The following LCAT variants were observed in gnomAD, a reference collection of about 807,000 sequenced individuals.
LCAT encodes the protein phosphatidylcholine-sterol acyltransferase.
Under a neutral mutation model 41.0 loss-of-function variants are expected in LCAT, and 15 were observed. The ratio of observed to expected loss-of-function variants is 0.37; its 90% CI spans 0.24 to 0.56. The LOEUF is 0.56. Ranked by LOEUF, LCAT falls within the 20% of genes least tolerant of loss-of-function variation. The pLI is 0.81. For missense variants in LCAT, 449 were observed against 595.1 expected, an observed-to-expected ratio of 0.75 and a Z score of 2.55; for synonymous variants, 248 against 245.4, an observed-to-expected ratio of 1.01 and a Z score of -0.10.
chr16:67,943,984 C>T lies in LCAT; in HGVS notation c.118G>A (p.Ala40Thr). 2 of 1,548,384 alleles carry T rather than the reference C, an allele frequency of 1.3e-6. No individual in the cohort carries two copies. The highest frequency in any genetic ancestry group is 1.2e-5 in the South Asian group (1 of 83,836). ...GGCCGTGTGTGGTTACTGAGCTCAG[C>T]CTTGGGCGTGGTGTGCGGGGGGAAG... ...VLFPPHTTPKAELSNHTRPVI... is the reference protein window; with the variant it reads ...VLFPPHTTPKTELSNHTRPVI... Residue 40 changes from alanine (A) to threonine (T), a missense_variant, in exon 1 of 6, where the codon GCT becomes ACT. Coordinates refer to ENST00000264005, the MANE Select transcript of LCAT (RefSeq NM_000229.2). This position sits in a 1 kb window ranked among gnomAD's most constrained non-coding sequence, Gnocchi z 4.6.
chr16:67,939,916 CG>C lies in LCAT; in HGVS notation c.1310del (p.Pro437ArgfsTer12), dbSNP rs774934690. On this transcript the variant is annotated frameshift_variant, in exon 6 of 6. Transcript: ENST00000264005. LOFTEE classifies it high-confidence loss of function. ...CAAAGGAAGGTCTTTATTCAGGAGGCGGGGGCTCTGGGCTGGCAGTCGGGGA... is the reference window on the plus strand; with the variant it reads ...CAAAGGAAGGTCTTTATTCAGGAGGCGGGGCTCTGGGCTGGCAGTCGGGGA... ...PASPTASPEP[P>X]PPE 1.2e-6 allele frequency: 2 copies of C among 1,612,518 alleles called. No individual in the cohort carries two copies. The highest frequency in any genetic ancestry group is 1.1e-5 in the South Asian group (1 of 91,050).
rs2058295344 is a variant in LCAT at position 67,942,262 on chromosome 16, C to A, written c.748+101G>T. ...ATGCCAGCCCAGGAGTGGTAGATAG[C>A]ACCCCTAGAGGCCACTGTGAGCAGG... On this transcript the variant is annotated intron_variant, in intron 5 of 5. Coordinates refer to ENST00000264005, the MANE Select transcript of LCAT (RefSeq NM_000229.2). This position sits in a 1 kb window ranked among gnomAD's most constrained non-coding sequence, Gnocchi z 6.6. The A allele has an allele frequency of 7.3e-7, 1 of 1,362,700 alleles. No homozygotes were observed. Among genetic ancestry groups the A allele is most frequent in the Admixed American group, 1.9e-5 (1 of 51,836 alleles). 84.4% of individuals were successfully genotyped at this position (1,362,700 alleles called of 1,614,324 possible).
In LCAT at chr16:67,943,885, G is replaced by A. The variant is rs1458657416; in HGVS notation, c.154+63C>T. On this transcript the variant is annotated intron_variant, in intron 1 of 5. Transcript: ENST00000264005. The surrounding 1 kb of genome is among the most constrained non-coding windows in gnomAD (Gnocchi z 4.6). The stretch of plus-strand genomic sequence containing the variant: ...AGGGCTTTGGCCAGGTCAGCTGCCA[G>A]GGGCTGGGGCCCAGGCTCCCCAGGG... The A allele has an allele frequency of 9.7e-6, 14 of 1,450,162 alleles. No individual in the cohort carries two copies. Among genetic ancestry groups the A allele is most frequent in the Non-Finnish European group, 1.3e-5 (14 of 1,077,776 alleles). The allele number at this position is 1,450,162 out of a possible 1,614,324, so 89.8% of individuals were successfully genotyped here. A position where few individuals can be genotyped will look rare whatever the true frequency, so the allele number is the denominator to read the frequency against.
At chr16:67,941,898 C>A (rs1260239728) in intron 5 of LCAT, 3 of 1,139,978 alleles carry the variant, frequency 2.6e-6, no homozygotes, top group Non-Finnish European at 3.3e-6. Flanking sequence ...TCCCAGGGTA[C>A]AGGGGGTGGG....
In LCAT at chr16:67,939,892, A is replaced by G. The variant is rs886052219; in HGVS notation, c.*12T>C. 1 of 1,609,456 alleles carries G rather than the reference A, an allele frequency of 6.2e-7. No homozygotes were observed. ...CATAGCCATCAGGGCTTACGGTAGC[A>G]AAGGAAGGTCTTTATTCAGGAGGCG... On this transcript the variant is annotated 3_prime_UTR_variant, in exon 6 of 6. Coordinates refer to ENST00000264005, the MANE Select transcript of LCAT (RefSeq NM_000229.2).
At position 67,942,329 on chromosome 16, in the gene LCAT, C is replaced by G. The variant is rs1411553249; in HGVS notation, c.748+34G>C. 1 of 1,604,744 alleles carries G rather than the reference C, an allele frequency of 6.2e-7. No homozygotes were observed. The highest frequency in any genetic ancestry group is 2.2e-5 in the East Asian group (1 of 44,830). On this transcript the variant is annotated intron_variant, in intron 5 of 5. Coordinates refer to ENST00000264005, the MANE Select transcript of LCAT (RefSeq NM_000229.2). This position sits in a 1 kb window ranked among gnomAD's most constrained non-coding sequence, Gnocchi z 6.6. Reference sequence around the variant, plus strand: ...GGCCCAGGATCAGCTTGGTCTCACCCATCGCTGGACCTAAGTGTTCGAGGC... The same window carrying G: ...GGCCCAGGATCAGCTTGGTCTCACCGATCGCTGGACCTAAGTGTTCGAGGC...
At position 67,944,094 on chromosome 16, in the gene LCAT, G is replaced by T. The variant is rs753021814; in HGVS notation, c.8C>A (p.Pro3Gln). 6.5e-7 allele frequency: 1 copy of T among 1,547,692 alleles called. No homozygotes were observed. The highest frequency in any genetic ancestry group is 2.4e-5 in the East Asian group (1 of 40,880). Residue 3 changes from proline to glutamine, a missense_variant, in exon 1 of 6, where the codon CCG (proline) becomes CAG (glutamine). Physicochemically the swap from Pro to Gln is moderately conservative, Grantham distance 76. Coordinates refer to ENST00000264005, the MANE Select transcript of LCAT (RefSeq NM_000229.2). The surrounding 1 kb of genome is among the most constrained non-coding windows in gnomAD (Gnocchi z 6.6). The part of the protein sequence containing the change: MG[P>Q]PGSPWQWVTL... ...CACCCACTGCCATGGGGAGCCGGGC[G>T]GCCCCATTCCAGCCCTGGTGCCTAC...
Position 67,943,567 on chromosome 16 carries a change from T to A in LCAT, c.155-355A>T. The A allele has an allele frequency of 2.0e-6, 1 of 498,144 alleles. No homozygotes were observed. Among genetic ancestry groups the A allele is most frequent in the East Asian group, 3.7e-5 (1 of 26,698 alleles). 30.9% of individuals were successfully genotyped at this position (498,144 alleles called of 1,614,324 possible). A position where few individuals can be genotyped will look rare whatever the true frequency, so the allele number is the denominator to read the frequency against. On this transcript the variant is annotated intron_variant, in intron 1 of 5. Transcript: ENST00000264005. The surrounding 1 kb of genome is among the most constrained non-coding windows in gnomAD (Gnocchi z 4.6). ...GGGCCTAATAGGGGCCGGGCATGGA[T>A]GGGCCTCTCCTGCTCACCGATCCTG... is the stretch of plus-strand genomic sequence containing the variant.
At chr16:67,941,858 T>A in intron 5 of LCAT, 3 of 1,081,516 alleles carry the variant, frequency 2.8e-6, no homozygotes, top group Non-Finnish European at 3.4e-6. Context: ...GTTTCTCTTG[T>A]CCAGACTGTG....
Position 67,943,784 on chromosome 16 carries a change from A to G in LCAT, c.154+164T>C, listed in dbSNP as rs566469303. 8.6e-5 allele frequency: 57 copies of G among 666,640 alleles called. No individual in the cohort carries two copies. In the South Asian group the frequency reaches 1.2e-3, roughly 14 times the overall value. The allele number at this position is 666,640 out of a possible 1,614,324, so 41.3% of individuals were successfully genotyped here. A position where few individuals can be genotyped will look rare whatever the true frequency, so the allele number is the denominator to read the frequency against. ...ACAGTGTGGTGGGAGAAGGGACGTCATTCCTCTAAGGGACAAGCTTTTGGC... is the reference window on the plus strand; with the variant it reads ...ACAGTGTGGTGGGAGAAGGGACGTCGTTCCTCTAAGGGACAAGCTTTTGGC... On this transcript the variant is annotated intron_variant, in intron 1 of 5. Transcript: ENST00000264005. The surrounding 1 kb of genome is among the most constrained non-coding windows in gnomAD (Gnocchi z 4.6).
intron 5 of LCAT, chr16:67,941,504 T>G (rs2058290210): frequency 2.7e-6 from 1 of 364,606 alleles, no homozygotes; most frequent in Non-Finnish European, 3.8e-6. Flanking sequence ...GCCTATAGTC[T>G]CAGCTAACCA....
Position 67,939,816 on chromosome 16 carries a change from G to A in LCAT, c.*88C>T, listed in dbSNP as rs2058282324. ...GCACACAGCACTGAGCCTGTGGCTG[G>A]TGAGGAGTGAAACCTAGTGTGGGAC... On this transcript the variant is annotated 3_prime_UTR_variant, in exon 6 of 6. Transcript: ENST00000264005. 6.4e-7 allele frequency: 1 copy of A among 1,556,712 alleles called. No individual in the cohort carries two copies. The highest frequency in any genetic ancestry group is 8.7e-7 in the Non-Finnish European group (1 of 1,148,580).
At position 67,942,106 on chromosome 16, in the gene LCAT, C is replaced by T. The variant is rs2058294746; in HGVS notation, c.748+257G>A. The T allele has an allele frequency of 2.2e-6, 3 of 1,390,926 alleles. No individual in the cohort carries two copies. Among genetic ancestry groups the T allele is most frequent in the South Asian group, 1.5e-5 (1 of 68,768 alleles). 86.2% of individuals were successfully genotyped at this position (1,390,926 alleles called of 1,614,324 possible). On this transcript the variant is annotated intron_variant, in intron 5 of 5. Coordinates refer to ENST00000264005, the MANE Select transcript of LCAT (RefSeq NM_000229.2). The surrounding 1 kb of genome is among the most constrained non-coding windows in gnomAD (Gnocchi z 6.6). ...AGGCTCTGGGGCTACAAGAACAAAC[C>T]CTGGGAGCAGATAGCTGGGATTCAC...
Position 67,943,331 on chromosome 16 carries a change from T to C in LCAT, c.155-119A>G. 1 of 900,958 alleles carries C rather than the reference T, an allele frequency of 1.1e-6. No individual in the cohort carries two copies. The highest frequency in any genetic ancestry group is 1.4e-5 in the South Asian group (1 of 71,404). The allele number at this position is 900,958 out of a possible 1,614,324, so 55.8% of individuals were successfully genotyped here. A position where few individuals can be genotyped will look rare whatever the true frequency, so the allele number is the denominator to read the frequency against. The stretch of plus-strand genomic sequence containing the variant: ...ACCTCCCATACCCTCAACCCCCAGG[T>C]ACAAAGCACACTTACCCTCCCCTGC... On this transcript the variant is annotated intron_variant, in intron 1 of 5. Transcript: ENST00000264005. The surrounding 1 kb of genome is among the most constrained non-coding windows in gnomAD (Gnocchi z 4.6).
At position 67,940,484 on chromosome 16, in the gene LCAT, G is replaced by T. The variant is rs1366530575; in HGVS notation, c.749-6C>A. Reference sequence around the variant, plus strand: ...GGGGATGCCCTGGTTGTCACCTGTGGATATGGAGCAAGGTGGGACAGGGAG... The same window carrying T: ...GGGGATGCCCTGGTTGTCACCTGTGTATATGGAGCAAGGTGGGACAGGGAG... On this transcript the variant is annotated splice_region_variant and splice_polypyrimidine_tract_variant and intron_variant, in intron 5 of 5. Transcript: ENST00000264005. 2.5e-6 allele frequency: 4 copies of T among 1,613,660 alleles called. No individual in the cohort carries two copies. The highest frequency in any genetic ancestry group is 2.5e-6 in the Non-Finnish European group (3 of 1,179,856).
chr16:67,940,251 C>A lies in LCAT; in HGVS notation c.976G>T (p.Ala326Ser), dbSNP rs761884788. 6.2e-7 allele frequency: 1 copy of A among 1,613,662 alleles called. No homozygotes were observed. Among genetic ancestry groups the A allele is most frequent in the African/African-American group, 1.3e-5 (1 of 74,916 alleles). Residue 326 changes from alanine to serine, a missense_variant, in exon 6 of 6, where the codon GCA (alanine) becomes TCA (serine). Transcript: ENST00000264005. ...TCCACACCAGGTGCTGGGAGTCCTG[C>A]CAGGAGGTCACGTGACTGCAGCCAC... is the stretch of plus-strand genomic sequence containing the variant. ...YMWLQSRDLLAGLPAPGVEVY... is the reference protein window; with the variant it reads ...YMWLQSRDLLSGLPAPGVEVY...
Position 67,940,196 on chromosome 16 carries a change from G to C in LCAT, c.1031C>G (p.Pro344Arg). ...EVYCLYGVGL[P>R]TPRTYIYDHG... The stretch of plus-strand genomic sequence containing the variant: ...GTCGTAGATGTAGGTGCGGGGCGTG[G>C]GCAGGCCCACGCCGTAAAGACAGTA... Residue 344 changes from proline (P) to arginine (R), a missense_variant, in exon 6 of 6, where the codon CCC becomes CGC. Physicochemically the swap from Pro to Arg is moderately radical, Grantham distance 103 (BLOSUM62 -2). Coordinates refer to ENST00000264005, the MANE Select transcript of LCAT (RefSeq NM_000229.2). The C allele has an allele frequency of 6.2e-7, 1 of 1,612,696 alleles. No homozygotes were observed. Among genetic ancestry groups the C allele is most frequent in the East Asian group, 2.2e-5 (1 of 44,838 alleles).
rs1031913628 is a variant in LCAT, at chr16:67,940,488, T to C, written c.749-10A>G. 9 of 1,613,522 alleles carry C rather than the reference T, an allele frequency of 5.6e-6. No individual in the cohort carries two copies. The African/African-American group carries it at 6.7e-5, about 12-fold the overall frequency. ...ATGCCCTGGTTGTCACCTGTGGATA[T>C]GGAGCAAGGTGGGACAGGGAGCCAG... On this transcript the variant is annotated splice_polypyrimidine_tract_variant and intron_variant, in intron 5 of 5. Transcript: ENST00000264005.
intron 5 of LCAT, 88 bp from the exon 6 acceptor site, chr16:67,940,566 C>T: frequency 6.4e-7 from 1 of 1,565,858 alleles, no homozygotes; most frequent in Non-Finnish European, 8.7e-7. Flanking sequence ...GCCAGATGCT[C>T]AATCTTGTCC....
Sources: allele counts gnomAD v4.1 joint callset, GRCh38; gene constraint gnomAD v4.1.1; non-coding constraint Gnocchi (gnomAD v3.1); transcripts MANE v1.5; gene names NCBI Gene and HGNC (gene_info 2026-07-23, HGNC 2026-07-21).